The following CHRM2 variants were observed in gnomAD, a reference collection of about 807,000 sequenced individuals.
CHRM2 encodes the protein cholinergic receptor muscarinic 2, also known as muscarinic acetylcholine receptor M2.
A neutral mutation model predicts 25.0 loss-of-function variants in CHRM2; 8 were observed. That is an observed-to-expected ratio of 0.32 (90% confidence interval 0.19 to 0.58). CHRM2 has a LOEUF of 0.58. CHRM2 is among the 20% of genes least tolerant of loss of function. The pLI is 0.88. For missense variants in CHRM2, 440 were observed against 567.1 expected, an observed-to-expected ratio of 0.78 and a Z score of 2.28; for synonymous variants, 202 against 205.7, an observed-to-expected ratio of 0.98 and a Z score of 0.15.
intron 3 of CHRM2, among the ~76,000 whole-genome samples, chr7:136,998,994 A>G (rs1026774070): frequency 6.6e-6 from 1 of 152,210 alleles, no homozygotes; most frequent in Non-Finnish European, 1.5e-5. Flanking sequence ...TTAAAATTGT[A>G]GAAAAAACCC....
Position 136,869,512 on chromosome 7 carries a change from C to T in CHRM2, c.-125+94C>T, listed in dbSNP as rs1795728674. 1 of 152,434 alleles carries T rather than the reference C, an allele frequency of 6.6e-6. No homozygotes were observed. The highest frequency in any genetic ancestry group is 1.5e-5 in the Non-Finnish European group (1 of 68,250). 9.4% of individuals were successfully genotyped at this position (152,434 alleles called of 1,614,324 possible). ...CCTTCATATCCCCCCAAGCCGGAGGCTCAGGGGTCGGGGCTTGGGGGAATT... is the reference window on the plus strand; with the variant it reads ...CCTTCATATCCCCCCAAGCCGGAGGTTCAGGGGTCGGGGCTTGGGGGAATT... On this transcript the variant is annotated intron_variant, in intron 2 of 3. Coordinates refer to ENST00000680005, the MANE Select transcript of CHRM2 (RefSeq NM_001006630.2). This position sits in a 1 kb window ranked among gnomAD's most constrained non-coding sequence, Gnocchi z 4.9.
intron 3 of CHRM2, among the ~76,000 whole-genome samples, chr7:137,003,527 CACACACACACTA>C (rs1263709520): frequency 4.5e-5 from 3 of 66,314 alleles, no homozygotes; most frequent in African/African-American, 6.1e-5. Flanking sequence ...CACACACACA[CACACACACACTA>C]GTTAGGTGAA....
At chr7:136,943,539 G>A (rs950761705) in intron 2 of CHRM2, among the ~76,000 whole-genome samples, 5 of 151,992 alleles carry the variant, frequency 3.3e-5, no homozygotes, top group Non-Finnish European at 5.9e-5. Flanking sequence ...TATGATACAT[G>A]GTGTTCCTAT....
At chr7:136,915,543 C>A (rs1327549677) in intron 2 of CHRM2, among the ~76,000 whole-genome samples, 1 of 151,784 alleles carries the variant, frequency 6.6e-6, no homozygotes, top group Admixed American at 6.6e-5. Context: ...AGTATTGGAA[C>A]ATGTTCTAGT....
At chr7:136,999,810 T>G (rs1803865414) in intron 3 of CHRM2, among the ~76,000 whole-genome samples, 1 of 152,146 alleles carries the variant, frequency 6.6e-6, no homozygotes, top group Admixed American at 6.5e-5. Context: ...CAACCAAGGT[T>G]CAATTTCTGG....
chr7:137,007,502 G>A (rs1235734918), intron 3 of CHRM2, among the ~76,000 whole-genome samples: 1 of 152,118 alleles, frequency 6.6e-6, no homozygotes, highest in Non-Finnish European at 1.5e-5. Context: ...GTTGTAGTGA[G>A]ATTCAGGAGC....
At chr7:137,007,247 G>C (rs1300254544) in intron 3 of CHRM2, among the ~76,000 whole-genome samples, 1 of 152,042 alleles carries the variant, frequency 6.6e-6, no homozygotes. Context: ...TTAGAAAATT[G>C]GAAATTTCAC....
intron 2 of CHRM2, among the ~76,000 whole-genome samples, chr7:136,975,320 A>AATTTT (rs770218323): frequency 4.6e-4 from 70 of 152,288 alleles, no homozygotes; most frequent in Middle Eastern, 6.8e-3. Flanking sequence ...TGAACTCTAA[A>AATTTT]AAAGTGGAGT....
At chr7:136,883,215 C>A (rs1275729060) in intron 2 of CHRM2, among the ~76,000 whole-genome samples, 3 of 152,078 alleles carry the variant, frequency 2.0e-5, no homozygotes, top group Non-Finnish European at 2.9e-5. Context: ...TTTTTACCAC[C>A]TTCTAGGGAG....
At chr7:136,875,053 G>A (rs1427764330) in intron 2 of CHRM2, among the ~76,000 whole-genome samples, 1 of 149,102 alleles carries the variant, frequency 6.7e-6, no homozygotes, top group East Asian at 1.9e-4. Flanking sequence ...AAAAATGCAT[G>A]TGTGTGTATG....
At chr7:137,013,598 ATTC>A (rs535728411) in intron 3 of CHRM2, among the ~76,000 whole-genome samples, 45 of 152,096 alleles carry the variant, frequency 3.0e-4, no homozygotes, top group African/African-American at 9.9e-4. Flanking sequence ...TCTTTGATGA[ATTC>A]TTAACTTTCT....
chr7:136,885,249 G>A (rs188889122), intron 2 of CHRM2, among the ~76,000 whole-genome samples: 112 of 152,250 alleles, frequency 7.4e-4, no homozygotes, highest in African/African-American at 2.3e-3. Context: ...AAATTTCCTC[G>A]TTTCCTGGTC....
rs1805199119 is a variant in CHRM2 at position 137,016,499 on chromosome 7, G to C, written c.*233G>C. ...AATGAGACAATGAAAGAAACATGTT[G>C]GGATCGTGGATTTAAGAAACTATAC... On this transcript the variant is annotated 3_prime_UTR_variant, in exon 4 of 4. Coordinates refer to ENST00000680005, the MANE Select transcript of CHRM2 (RefSeq NM_001006630.2). 1 of 535,320 alleles carries C rather than the reference G, an allele frequency of 1.9e-6. No homozygotes were observed. The highest frequency in any genetic ancestry group is 3.5e-6 in the Non-Finnish European group (1 of 289,844). 33.2% of individuals were successfully genotyped at this position (535,320 alleles called of 1,614,324 possible).
At position 136,989,055 on chromosome 7, in the gene CHRM2, T is replaced by C. The variant is rs1001008064; in HGVS notation, c.-124-3132T>C. On this transcript the variant is annotated intron_variant, in intron 2 of 3. Coordinates refer to ENST00000680005, the MANE Select transcript of CHRM2 (RefSeq NM_001006630.2). ...TTTATAAAAGAGGAAATTAAAGCTTTAGAGGTTTTATAACTTGCTAAAAGT... is the reference window on the plus strand; with the variant it reads ...TTTATAAAAGAGGAAATTAAAGCTTCAGAGGTTTTATAACTTGCTAAAAGT... Among the ~76,000 whole-genome samples the C allele has an allele frequency of 1.6e-4, 25 of 152,194 alleles. 1 individual carries two copies. Among genetic ancestry groups the C allele is most frequent in the African/African-American group, 5.8e-4 (24 of 41,564 alleles).
At chr7:137,014,104 A>G (rs1043095123) in intron 3 of CHRM2, among the ~76,000 whole-genome samples, 1 of 151,980 alleles carries the variant, frequency 6.6e-6, no homozygotes, top group African/African-American at 2.4e-5. Context: ...TCTTATGCAT[A>G]ATTTTGGCTT....
At chr7:136,928,841 T>C (rs1225972102) in intron 2 of CHRM2, among the ~76,000 whole-genome samples, 5 of 152,228 alleles carry the variant, frequency 3.3e-5, no homozygotes, top group Non-Finnish European at 7.3e-5. Flanking sequence ...TTTTGGCCAC[T>C]ATTTAATCTC....
intron 2 of CHRM2, among the ~76,000 whole-genome samples, chr7:136,927,416 G>A (rs1798809708): frequency 6.6e-6 from 1 of 152,026 alleles, no homozygotes; most frequent in Non-Finnish European, 1.5e-5. Flanking sequence ...GTGGGTGTGT[G>A]TGTGTATGTG....
At chr7:137,007,519 A>T (rs888457338) in intron 3 of CHRM2, among the ~76,000 whole-genome samples, 5 of 152,244 alleles carry the variant, frequency 3.3e-5, no homozygotes, top group East Asian at 1.9e-4. Flanking sequence ...GAGCTCATAA[A>T]AAAGCTCTAA....
chr7:136,955,837 C>T (rs1402701887), intron 2 of CHRM2, among the ~76,000 whole-genome samples: 3 of 152,166 alleles, frequency 2.0e-5, no homozygotes, highest in Non-Finnish European at 4.4e-5. Flanking sequence ...GCCTGAATTT[C>T]AACTTGGCAT....
Sources: allele counts gnomAD v4.1 joint callset (sites outside exome capture counted in the v4.1 genomes callset), GRCh38; gene constraint gnomAD v4.1.1; non-coding constraint Gnocchi (gnomAD v3.1); transcripts MANE v1.5; gene names NCBI Gene and HGNC (gene_info 2026-07-23, HGNC 2026-07-21).